The following TRMT11 variants were observed in gnomAD, a reference collection of about 807,000 sequenced individuals.
The protein encoded by TRMT11 is tRNA methyltransferase 11.
A neutral mutation model predicts 62.8 loss-of-function variants in TRMT11; 53 were observed. The observed-to-expected ratio is 0.84, with a 90% CI of 0.68 to 1.06. The LOEUF (loss-of-function observed/expected upper bound fraction) is 1.06. TRMT11 is among the 50% of genes least tolerant of loss of function. The pLI, the probability that TRMT11 is intolerant of heterozygous loss-of-function variation, is 0.00. For synonymous variants in TRMT11, 188 were observed against 190.3 expected (o/e 0.99, Z 0.10); for missense variants, 556 against 553.4 (o/e 1.00, Z -0.05).
At chr6:126,120,074 A>C (rs1315318865) in intron 21 of TRMT11, among the ~76,000 whole-genome samples, 1 of 151,962 alleles carries the variant, frequency 6.6e-6, no homozygotes, top group Non-Finnish European at 1.5e-5. Context: ...AGGAGTTCGA[A>C]ACCAGCCTGA....
At chr6:126,135,155 A>C (rs1011031944) in intron 21 of TRMT11, among the ~76,000 whole-genome samples, 2 of 151,720 alleles carry the variant, frequency 1.3e-5, no homozygotes, top group Non-Finnish European at 3.0e-5. Context: ...GGGCAGAAAT[A>C]AATGAAATTG....
intron 9 of TRMT11, 57 bp downstream of exon 9, chr6:126,011,474 A>G: frequency 6.8e-7 from 1 of 1,474,740 alleles, no homozygotes; most frequent in Non-Finnish European, 9.3e-7. Flanking sequence ...AATCATTTAC[A>G]TTTAAAGTAC....
downstream of TRMT11, among the ~76,000 whole-genome samples, chr6:126,207,173 A>G (rs1187647242): frequency 5.3e-5 from 8 of 152,192 alleles, no homozygotes; most frequent in Non-Finnish European, 1.5e-5. Flanking sequence ...GACAAGACCA[A>G]TCATATTGGC....
chr6:126,182,272 A>T (rs538803147), intron 1 of TRMT11, among the ~76,000 whole-genome samples: 1 of 152,192 alleles, frequency 6.6e-6, no homozygotes, highest in Non-Finnish European at 1.5e-5. Context: ...GGAGGTACCG[A>T]TGGGGGATCC....
intron 12 of TRMT11, among the ~76,000 whole-genome samples, chr6:126,024,811 C>G (rs922366977): frequency 2.0e-5 from 3 of 152,064 alleles, no homozygotes; most frequent in Admixed American, 6.6e-5. Flanking sequence ...ATATGTTTGT[C>G]TTTTGGTATT....
intron 21 of TRMT11, among the ~76,000 whole-genome samples, chr6:126,151,905 C>CTCTTTCTTTCTTTCTT (rs66890632): frequency 0.095 from 7,580 of 80,158 alleles, 791 homozygotes; most frequent in Middle Eastern, 0.15. Flanking sequence ...TCTTTCTTTT[C>CTCTTTCTTTCTTTCTT]TCTTTCTTTC....
the TRMT11 span, among the ~76,000 whole-genome samples, chr6:126,234,508 G>A: frequency 1.2e-3 from 181 of 152,140 alleles, no homozygotes; most frequent in African/African-American, 4.0e-3. Context: ...ATAAGATGAT[G>A]TGTCTTGACA....
chr6:126,209,649 T>C, the TRMT11 span, among the ~76,000 whole-genome samples: 1 of 151,574 alleles, frequency 6.6e-6, no homozygotes, highest in Non-Finnish European at 1.5e-5. Context: ...TGGCGTGAAC[T>C]TGGGAGGCGG....
Position 126,091,575 on chromosome 6 carries a change from T to A in TRMT11, c.*1438-21291T>A, listed in dbSNP as rs571016277. Among the ~76,000 whole-genome samples the A allele has an allele frequency of 5.9e-5, 9 of 152,272 alleles. No homozygotes were observed. The East Asian group carries it at 1.7e-3, about 29-fold the overall frequency. On this transcript the variant is annotated intron_variant and NMD_transcript_variant, in intron 17 of 22. Transcript: ENST00000648977. The stretch of plus-strand genomic sequence containing the variant: ...CGAATCACTCTTTGCTCTCTTAAAC[T>A]CAGTTACGTTAAATTTGTCCAAAGT...
chr6:126,000,507 T>C (rs1269063328), intron 7 of TRMT11, among the ~76,000 whole-genome samples: 1 of 152,164 alleles, frequency 6.6e-6, no homozygotes, highest in Non-Finnish European at 1.5e-5. Flanking sequence ...GAGGAAATTA[T>C]GGCAGAGAGA....
At chr6:126,116,567 AG>A (rs1777589658) in intron 21 of TRMT11, among the ~76,000 whole-genome samples, 1 of 152,102 alleles carries the variant, frequency 6.6e-6, no homozygotes, top group Admixed American at 6.6e-5. Context: ...CACTACTCCT[AG>A]TGCCACGAGT....
intron 12 of TRMT11, among the ~76,000 whole-genome samples, chr6:126,034,128 A>T (rs1472640131): frequency 6.8e-6 from 1 of 147,324 alleles, no homozygotes; most frequent in Non-Finnish European, 1.5e-5. Context: ...AATTTCTACT[A>T]AAAAAAAAAG....
At chr6:126,102,652 G>C (rs1777415053) in intron 17 of TRMT11, among the ~76,000 whole-genome samples, 1 of 152,002 alleles carries the variant, frequency 6.6e-6, no homozygotes, top group African/African-American at 2.4e-5. Flanking sequence ...TGTGTCCTTG[G>C]AATGGCCCAG....
At chr6:126,147,268 G>A (rs1258829773) in intron 21 of TRMT11, among the ~76,000 whole-genome samples, 1 of 152,034 alleles carries the variant, frequency 6.6e-6, no homozygotes, top group African/African-American at 2.4e-5. Flanking sequence ...CCTTTTATTG[G>A]TATCCTTTTA....
intron 17 of TRMT11, among the ~76,000 whole-genome samples, chr6:126,071,882 A>T (rs1776869776): frequency 6.6e-6 from 1 of 152,168 alleles, no homozygotes; most frequent in South Asian, 2.1e-4. Context: ...TTTACAACAC[A>T]GATAGCTATG....
downstream of TRMT11, among the ~76,000 whole-genome samples, chr6:126,040,420 G>A (rs116016041): frequency 0.01 from 1,522 of 152,080 alleles, 26 homozygotes; most frequent in African/African-American, 0.034. Context: ...TGTTTAGTTG[G>A]TACTTATAAA....
chr6:126,135,946 A>G (rs951167943), intron 21 of TRMT11, among the ~76,000 whole-genome samples: 4 of 151,854 alleles, frequency 2.6e-5, no homozygotes, highest in Non-Finnish European at 4.4e-5. Flanking sequence ...TCCCTTTATG[A>G]TAAAAACCTT....
chr6:126,264,551 G>A, the TRMT11 span, among the ~76,000 whole-genome samples: 1 of 152,154 alleles, frequency 6.6e-6, no homozygotes, highest in Non-Finnish European at 1.5e-5. Flanking sequence ...ACAGATATTT[G>A]GTCAAGCATT....
intron 16 of TRMT11, among the ~76,000 whole-genome samples, chr6:126,052,620 G>A (rs1776251325): frequency 6.6e-6 from 1 of 152,084 alleles, no homozygotes; most frequent in South Asian, 2.1e-4. Flanking sequence ...CTGTGGACCG[G>A]CCAAAAGCCT....
Sources: allele counts gnomAD v4.1 joint callset (sites outside exome capture counted in the v4.1 genomes callset), GRCh38; gene constraint gnomAD v4.1.1; transcripts MANE v1.5; gene names NCBI Gene and HGNC (gene_info 2026-07-23, HGNC 2026-07-21).